Variants in FAM47E observed in about 807,000 individuals in gnomAD.
FAM47E encodes protein FAM47E.
A neutral mutation model predicts 41.6 loss-of-function variants in FAM47E; 32 were observed. The ratio of observed to expected loss-of-function variants is 0.77; its 90% CI spans 0.58 to 1.03. The LOEUF (loss-of-function observed/expected upper bound fraction) is 1.03, where lower values mean the gene tolerates loss of function less well. FAM47E is among the 50% of genes least tolerant of loss of function. The probability of loss-of-function intolerance (pLI) is 0.00; values close to 1 mark genes in which losing one functional copy is unlikely to be tolerated. For missense variants in FAM47E, 424 were observed against 485.4 expected, an observed-to-expected ratio of 0.87 and a Z score of 1.19; for synonymous variants, 184 against 188.7, an observed-to-expected ratio of 0.98 and a Z score of 0.20.
At chr4:76,264,483 C>T (rs1734547596) in intron 3 of FAM47E, among the ~76,000 whole-genome samples, 1 of 151,928 alleles carries the variant, frequency 6.6e-6, no homozygotes, top group African/African-American at 2.4e-5. Context: ...AACGAAAGCA[C>T]CTCCCTTTTG....
In FAM47E at chr4:76,256,442, A is replaced by G; in HGVS notation, c.339A>G (p.Ala113=). ...CGCCAGCCCAGCAGGCTCGGAAGGC[A>G]TTCCTGGAGGACGTGGAGGCCCACC... ...KLSPAQQARK[A]FLEDVEAHLT... The change falls in exon 2 of 8, where the codon GCA becomes GCG. Residue 113 remains alanine (A), a synonymous_variant. Transcript: ENST00000424749. 1 of 1,552,182 alleles carries G rather than the reference A, an allele frequency of 6.4e-7. No homozygotes were observed. Among genetic ancestry groups the G allele is most frequent in the Non-Finnish European group, 8.7e-7 (1 of 1,147,346 alleles).
At position 76,263,692 on chromosome 4, in the gene FAM47E, T is replaced by G; in HGVS notation, c.421-12T>G. On this transcript the variant is annotated splice_polypyrimidine_tract_variant and intron_variant, in intron 2 of 7. Coordinates refer to ENST00000424749, the MANE Select transcript of FAM47E (RefSeq NM_001136570.3). ...GTTTTTCTTTTCCTCTAAGACTATT[T>G]TCTGTTTGTAGCTCTTATCAAAGGT... The G allele has an allele frequency of 6.5e-7, 1 of 1,548,552 alleles. No individual in the cohort carries two copies. Among genetic ancestry groups the G allele is most frequent in the African/African-American group, 1.4e-5 (1 of 72,834 alleles).
chr4:76,280,174 T>G, intron 6 of FAM47E, 90 bp from the exon 7 acceptor site: 1 of 759,098 alleles, frequency 1.3e-6, no homozygotes. Context: ...TGAGATACTT[T>G]ATAAGGAACT....
At chr4:76,250,538 G>A (rs1181761502), upstream of FAM47E, among the ~76,000 whole-genome samples, 1 of 152,010 alleles carries the variant, frequency 6.6e-6, no homozygotes, top group Non-Finnish European at 1.5e-5. Flanking sequence ...TTCTTTTGCT[G>A]TGTAGAAGCT....
At chr4:76,253,316 A>C (rs10856883) in intron 1 of FAM47E, among the ~76,000 whole-genome samples, 102,480 of 152,026 alleles carry the variant, frequency 0.67, 35,555 homozygotes, top group Non-Finnish European at 0.78. Context: ...TTTGGGGCTA[A>C]TATGTAGAAA....
chr4:76,269,705 T>C (rs564894464), intron 4 of FAM47E: 1 of 152,264 alleles, frequency 6.6e-6, no homozygotes, highest in South Asian at 2.1e-4. Flanking sequence ...GGAGGATTGC[T>C]TGAGCCTGGG....
rs573749828 is a variant in FAM47E at position 76,261,527 on chromosome 4, T to C, written c.421-2177T>C. ...TGAAGTCATGTCTATCGTAGCGACATGGATGGAACTGGAGGCCATTATCCT... is the reference window on the plus strand; with the variant it reads ...TGAAGTCATGTCTATCGTAGCGACACGGATGGAACTGGAGGCCATTATCCT... On this transcript the variant is annotated intron_variant, in intron 2 of 7. Transcript: ENST00000424749. 6.0e-4 allele frequency among the ~76,000 whole-genome samples: 92 copies of C among 152,258 alleles called. 1 individual carries two copies. The highest frequency in any genetic ancestry group is 2.2e-3 in the African/African-American group (90 of 41,542).
chr4:76,225,861 A>G (rs1043061026), intron 2 of FAM47E, among the ~76,000 whole-genome samples: 3 of 151,860 alleles, frequency 2.0e-5, no homozygotes, highest in Non-Finnish European at 4.4e-5. Flanking sequence ...TGTTGTTGTT[A>G]TGTCTTTTCC....
chr4:76,271,212 C>A (rs1451986550), intron 4 of FAM47E, among the ~76,000 whole-genome samples: 1 of 152,200 alleles, frequency 6.6e-6, no homozygotes, highest in African/African-American at 2.4e-5. Flanking sequence ...GTGAACCTGG[C>A]AGCTTCCATT....
chr4:76,224,025 C>A (rs923172708), intron 2 of FAM47E, among the ~76,000 whole-genome samples: 1 of 152,174 alleles, frequency 6.6e-6, no homozygotes, highest in Non-Finnish European at 1.5e-5. Flanking sequence ...ACCAGGAGAC[C>A]TCCCCACAAA....
intron 2 of FAM47E, among the ~76,000 whole-genome samples, chr4:76,244,180 TG>T (rs753061112): frequency 1.6e-3 from 242 of 152,312 alleles, no homozygotes; most frequent in Non-Finnish European, 2.3e-3. Flanking sequence ...TTTGCTATTG[TG>T]AATAGTGCCA....
intron 6 of FAM47E, 46 bp downstream of exon 6, chr4:76,278,270 A>C (rs1470435026): frequency 7.0e-7 from 1 of 1,437,778 alleles, no homozygotes; most frequent in Non-Finnish European, 9.1e-7. Flanking sequence ...TCAGATGATC[A>C]CAGTGCATCT....
At chr4:76,251,241 G>C (rs1332980836), upstream of FAM47E, among the ~76,000 whole-genome samples, 3 of 152,142 alleles carry the variant, frequency 2.0e-5, no homozygotes, top group Non-Finnish European at 4.4e-5. Context: ...CTGGGGACTA[G>C]AGACAGGTGT....
chr4:76,275,583 A>G (rs1297332529), intron 5 of FAM47E, among the ~76,000 whole-genome samples: 7 of 152,210 alleles, frequency 4.6e-5, no homozygotes, highest in Non-Finnish European at 2.9e-5. Flanking sequence ...TAGTGGGGTC[A>G]ACAGGTAAAT....
chr4:76,270,039 G>A (rs1340009686), intron 4 of FAM47E, among the ~76,000 whole-genome samples: 2 of 151,976 alleles, frequency 1.3e-5, no homozygotes, highest in East Asian at 3.9e-4. Flanking sequence ...TTACTTCATT[G>A]GCAAGTGACT....
At chr4:76,220,870 G>T (rs1035808961) in intron 2 of FAM47E, among the ~76,000 whole-genome samples, 2 of 152,132 alleles carry the variant, frequency 1.3e-5, no homozygotes, top group Non-Finnish European at 2.9e-5. Flanking sequence ...ATGCTTCCAG[G>T]TGCTCACCTG....
chr4:76,247,864 TG>T (rs2109996439), upstream of FAM47E, among the ~76,000 whole-genome samples: 1 of 151,850 alleles, frequency 6.6e-6, no homozygotes, highest in South Asian at 2.1e-4. Context: ...ATCAGGTATA[TG>T]ATGTGCAAAG....
At chr4:76,227,630 G>A (rs1353795311) in intron 2 of FAM47E, among the ~76,000 whole-genome samples, 1 of 152,106 alleles carries the variant, frequency 6.6e-6, no homozygotes, top group Non-Finnish European at 1.5e-5. Context: ...GAGTATTGAA[G>A]TCCCCACTAT....
chr4:76,276,636 C>T (rs960499593), intron 5 of FAM47E, among the ~76,000 whole-genome samples: 24 of 152,238 alleles, frequency 1.6e-4, no homozygotes, highest in East Asian at 1.9e-4. Flanking sequence ...GTGCTGTGCC[C>T]GGCCCAGGGT....
Sources: gnomAD v4.1 joint callset for allele counts (sites outside exome capture counted in the v4.1 genomes callset) on GRCh38, gnomAD v4.1.1 for gene constraint, MANE v1.5 for transcripts, NCBI Gene and HGNC (gene_info 2026-07-23, HGNC 2026-07-21) for gene names.